The following PARN variants were observed in gnomAD, a reference collection of about 807,000 sequenced individuals.
The protein encoded by PARN is poly(A)-specific ribonuclease PARN.
In PARN, 71 loss-of-function variants were observed where a neutral mutation model predicts 102.8. The observed-to-expected ratio is 0.69, with a 90% confidence interval of 0.57 to 0.84. The LOEUF (loss-of-function observed/expected upper bound fraction) is 0.84. Among genes scored for constraint, PARN ranks in the 40% least tolerant of loss-of-function variants. PARN has a pLI of 0.00. For synonymous variants in PARN, 261 were observed against 252.9 expected (o/e 1.03, Z -0.30); for missense variants, 782 against 760.9 (o/e 1.03, Z -0.33).
intron 22 of PARN, among the ~76,000 whole-genome samples, chr16:14,447,420 T>C (rs749921926): frequency 1.5e-4 from 23 of 152,198 alleles, no homozygotes; most frequent in Non-Finnish European, 3.2e-4. Context: ...GTAGAGATAA[T>C]ATAATGAAAT....
intron 18 of PARN, among the ~76,000 whole-genome samples, chr16:14,579,790 G>C (rs923536047): frequency 6.6e-6 from 1 of 152,042 alleles, no homozygotes; most frequent in Non-Finnish European, 1.5e-5. Flanking sequence ...AGCCTATTCA[G>C]CATGGTGAAA....
intron 3 of PARN, among the ~76,000 whole-genome samples, 159 bp downstream of exon 3, chr16:14,628,013 C>T (rs1017629010): frequency 5.4e-5 from 8 of 148,904 alleles, no homozygotes; most frequent in African/African-American, 2.0e-4. Context: ...GTCTCTAAAA[C>T]AAGACAAAAC....
intron 22 of PARN, 80 bp downstream of exon 22, chr16:14,482,558 A>T: frequency 9.1e-7 from 1 of 1,102,546 alleles, no homozygotes; most frequent in Non-Finnish European, 1.3e-6. Flanking sequence ...CAGATTTAGT[A>T]CTTACAAACC....
intron 13 of PARN, among the ~76,000 whole-genome samples, chr16:14,593,037 G>A (rs781226438): frequency 3.3e-5 from 5 of 151,956 alleles, no homozygotes; most frequent in African/African-American, 4.8e-5. Flanking sequence ...TCAGGAGGCT[G>A]AGGCAGGAGA....
intron 21 of PARN, among the ~76,000 whole-genome samples, chr16:14,539,531 T>A (rs945659238): frequency 6.6e-6 from 1 of 152,244 alleles, no homozygotes; most frequent in African/African-American, 2.4e-5. Flanking sequence ...ATTCTCCAAA[T>A]TGAACACATT....
At chr16:14,608,489 A>G (rs891515833) in intron 8 of PARN, among the ~76,000 whole-genome samples, 170 bp from the exon 9 acceptor site, 2 of 152,206 alleles carry the variant, frequency 1.3e-5, no homozygotes, top group African/African-American at 2.4e-5. Flanking sequence ...TTTCCTCATC[A>G]CTTGTCTTCT....
chr16:14,530,353 C>T (rs2151667646), intron 21 of PARN, among the ~76,000 whole-genome samples: 1 of 152,268 alleles, frequency 6.6e-6, no homozygotes, highest in Non-Finnish European at 1.5e-5. Context: ...CCCACCAACA[C>T]CCGCCACAGT....
chr16:14,512,703 A>G (rs1376672606), intron 21 of PARN, among the ~76,000 whole-genome samples: 1 of 152,142 alleles, frequency 6.6e-6, no homozygotes, highest in East Asian at 1.9e-4. Context: ...CAGAAATCCA[A>G]GTGGGACCTT....
intron 21 of PARN, among the ~76,000 whole-genome samples, chr16:14,513,626 T>C (rs1215642831): frequency 6.6e-6 from 1 of 152,152 alleles, no homozygotes; most frequent in Non-Finnish European, 1.5e-5. Flanking sequence ...GCCCGCACAA[T>C]ACTGCTTGGC....
At chr16:14,582,334 G>A (rs780619151) in intron 16 of PARN, 43 bp from the exon 17 acceptor site, 3 of 1,266,762 alleles carry the variant, frequency 2.4e-6, no homozygotes, top group East Asian at 2.3e-5. Flanking sequence ...ACAAAGACTA[G>A]TAAGCACATT....
At chr16:14,471,061 G>GTC (rs1962710356) in intron 22 of PARN, among the ~76,000 whole-genome samples, 1 of 152,202 alleles carries the variant, frequency 6.6e-6, no homozygotes. Context: ...AGGATTACAG[G>GTC]TATGAGCTAC....
intron 21 of PARN, among the ~76,000 whole-genome samples, chr16:14,524,095 G>C (rs1181864179): frequency 6.6e-6 from 1 of 152,140 alleles, no homozygotes; most frequent in Admixed American, 6.5e-5. Flanking sequence ...GTCCATAGTT[G>C]ACTGAAATGT....
intron 12 of PARN, among the ~76,000 whole-genome samples, chr16:14,596,300 A>T (rs1970505636): frequency 6.6e-6 from 1 of 152,164 alleles, no homozygotes; most frequent in Non-Finnish European, 1.5e-5. Context: ...CAAGTCAAAG[A>T]AGCTCCAATG....
At chr16:14,570,389 C>A (rs957352251) in intron 18 of PARN, among the ~76,000 whole-genome samples, 1 of 148,540 alleles carries the variant, frequency 6.7e-6, no homozygotes, top group Non-Finnish European at 1.5e-5. Context: ...GTGGCTCATG[C>A]CTGCTGTAAT....
At chr16:14,529,018 A>G (rs1371394801) in intron 21 of PARN, among the ~76,000 whole-genome samples, 1 of 152,176 alleles carries the variant, frequency 6.6e-6, no homozygotes, top group Non-Finnish European at 1.5e-5. Context: ...TAACTGTTTC[A>G]TGGAAGACTG....
At chr16:14,551,522 T>C (rs1025294885) in intron 21 of PARN, among the ~76,000 whole-genome samples, 7 of 152,048 alleles carry the variant, frequency 4.6e-5, no homozygotes, top group Non-Finnish European at 8.8e-5. Context: ...TGAGCCGACA[T>C]TGCGCCACTG....
chr16:14,532,766 C>T (rs1489420018), intron 21 of PARN, among the ~76,000 whole-genome samples: 1 of 150,800 alleles, frequency 6.6e-6, no homozygotes, highest in East Asian at 2.0e-4. Flanking sequence ...GGGCTGACCC[C>T]CCCACCTCCC....
In PARN at chr16:14,629,589, AG is replaced by A; in HGVS notation, c.97+7del. ...AAGTGCTAGCCTGAGCTTGCAAGGG[AG>A]GGATACCTGAAAACTCCCCATCGAT... On this transcript the variant is annotated splice_region_variant and intron_variant, in intron 2 of 23. Transcript: ENST00000437198. The A allele has an allele frequency of 1.2e-6, 2 of 1,602,990 alleles. No homozygotes were observed. Among genetic ancestry groups the A allele is most frequent in the Non-Finnish European group, 1.7e-6 (2 of 1,169,822 alleles).
intron 21 of PARN, among the ~76,000 whole-genome samples, chr16:14,492,790 T>G (rs1270410261): frequency 1.3e-5 from 2 of 152,036 alleles, no homozygotes; most frequent in African/African-American, 4.8e-5. Context: ...AGCCACAAAG[T>G]CAAATGGGAA....
Sources: gnomAD v4.1 joint callset for allele counts (sites outside exome capture counted in the v4.1 genomes callset) on GRCh38, gnomAD v4.1.1 for gene constraint, MANE v1.5 for transcripts, NCBI Gene and HGNC (gene_info 2026-07-23, HGNC 2026-07-21) for gene names.